The following CUX2 variants were observed in gnomAD, a reference collection of about 807,000 sequenced individuals.
CUX2 encodes the protein cut like homeobox 2.
A neutral mutation model predicts 144.8 loss-of-function variants in CUX2; 40 were observed. That is an observed-to-expected ratio of 0.28 (90% confidence interval 0.21 to 0.36). CUX2 has a LOEUF of 0.36. CUX2 is among the 10% of genes least tolerant of loss of function. The pLI, the probability that CUX2 is intolerant of heterozygous loss-of-function variation, is 1.00. For synonymous variants in CUX2, 827 were observed against 875.6 expected, an observed-to-expected ratio of 0.94 and a Z score of 0.98; for missense variants, 1,615 against 1,994.0, an observed-to-expected ratio of 0.81 and a Z score of 3.62.
intron 1 of CUX2, among the ~76,000 whole-genome samples, chr12:111,148,152 A>T (rs1242277600): frequency 1.3e-5 from 2 of 152,212 alleles, no homozygotes; most frequent in Non-Finnish European, 2.9e-5. Context: ...GGGTAAACAG[A>T]TAAATAAAAT....
chr12:111,329,429 G>A (rs980177464), intron 18 of CUX2, among the ~76,000 whole-genome samples: 6 of 151,976 alleles, frequency 3.9e-5, no homozygotes, highest in South Asian at 2.1e-4. Context: ...CCATCACTTC[G>A]TCAGAAGCGA....
In CUX2 at chr12:111,167,256, T is replaced by C. The variant is rs146317336; in HGVS notation, c.64-46944T>C. 1.5e-3 allele frequency among the ~76,000 whole-genome samples: 226 copies of C among 152,230 alleles called. 1 individual carries two copies. The highest frequency in any genetic ancestry group is 0.014 in the Middle Eastern group (4 of 294). On this transcript the variant is annotated intron_variant, in intron 1 of 21. Coordinates refer to ENST00000261726, the MANE Select transcript of CUX2 (RefSeq NM_015267.4). ...TCTTTCCTTCACCTGCACTGAAGCT[T>C]AGGGGCTTTTGCTTCTTCCACTGTT... is the stretch of plus-strand genomic sequence containing the variant.
At chr12:111,202,253 C>CA (rs1307822377) in intron 1 of CUX2, among the ~76,000 whole-genome samples, 1 of 152,218 alleles carries the variant, frequency 6.6e-6, no homozygotes, top group Non-Finnish European at 1.5e-5. Context: ...AAGGGGTCCC[C>CA]AGCCCCTCAC....
At chr12:111,091,732 C>T (rs1371541005) in intron 1 of CUX2, among the ~76,000 whole-genome samples, 2 of 152,216 alleles carry the variant, frequency 1.3e-5, no homozygotes, top group Non-Finnish European at 2.9e-5. Context: ...CAGGGCTGTG[C>T]TCCCTCTCCA....
At chr12:111,314,300 C>G (rs1483543220) in intron 16 of CUX2, among the ~76,000 whole-genome samples, 1 of 148,492 alleles carries the variant, frequency 6.7e-6, no homozygotes, top group South Asian at 2.2e-4. Flanking sequence ...GCAGCTAACT[C>G]CTGACCTCGT....
chr12:111,198,604 A>G (rs1880383729), intron 1 of CUX2, among the ~76,000 whole-genome samples: 1 of 152,224 alleles, frequency 6.6e-6, no homozygotes, highest in Admixed American at 6.5e-5. Flanking sequence ...GGAGGCTGAT[A>G]TTAAATATGC....
At chr12:111,157,447 G>C (rs150809454) in intron 1 of CUX2, among the ~76,000 whole-genome samples, 9 of 152,038 alleles carry the variant, frequency 5.9e-5, no homozygotes, top group Non-Finnish European at 1.3e-4. Context: ...GGAAGTGCTA[G>C]GATCTGGTTT....
intron 5 of CUX2, among the ~76,000 whole-genome samples, chr12:111,292,405 T>C (rs184099148): frequency 0.022 from 3,348 of 151,694 alleles, 64 homozygotes; most frequent in Non-Finnish European, 0.037. Flanking sequence ...GCCTGACCAA[T>C]ATGGTGAAAC....
intron 1 of CUX2, among the ~76,000 whole-genome samples, chr12:111,122,064 G>A (rs1055183700): frequency 2.0e-5 from 3 of 152,158 alleles, no homozygotes; most frequent in Non-Finnish European, 2.9e-5. Context: ...ACTGCTCTGT[G>A]GTCTAAATAT....
chr12:111,172,004 C>T (rs543395292), intron 1 of CUX2, among the ~76,000 whole-genome samples: 11 of 149,920 alleles, frequency 7.3e-5, no homozygotes, highest in South Asian at 2.1e-4. Flanking sequence ...CCTGTGTGTG[C>T]GCATGTGTGT....
chr12:111,311,603 A>ATTAT (rs1555214917), intron 15 of CUX2, among the ~76,000 whole-genome samples: 8 of 131,024 alleles, frequency 6.1e-5, no homozygotes, highest in Non-Finnish European at 1.3e-4. Context: ...TATTATTATT[A>ATTAT]TTTTTTTTTT....
intron 1 of CUX2, among the ~76,000 whole-genome samples, chr12:111,041,567 T>C (rs570683851): frequency 2.6e-5 from 4 of 152,242 alleles, no homozygotes; most frequent in South Asian, 2.1e-4. Context: ...AAAAACACTT[T>C]TGTGTAAGTT....
intron 1 of CUX2, among the ~76,000 whole-genome samples, chr12:111,090,074 C>T (rs1256861054): frequency 6.6e-6 from 1 of 152,108 alleles, no homozygotes; most frequent in African/African-American, 2.4e-5. Flanking sequence ...AGGGAGGAGG[C>T]AGCTGCAGCA....
chr12:111,257,689 C>T (rs893324553), intron 3 of CUX2, among the ~76,000 whole-genome samples: 1 of 139,858 alleles, frequency 7.2e-6, no homozygotes, highest in South Asian at 2.5e-4. Flanking sequence ...CCTCCCTCCT[C>T]CTTCCCCTTC....
At chr12:111,216,059 C>T (rs1246946514) in intron 2 of CUX2, among the ~76,000 whole-genome samples, 1 of 152,238 alleles carries the variant, frequency 6.6e-6, no homozygotes, top group Non-Finnish European at 1.5e-5. Context: ...TGGTGCCCAG[C>T]TCACCTCCTG....
chr12:111,210,491 C>T (rs1005210096), intron 1 of CUX2, among the ~76,000 whole-genome samples: 1 of 152,064 alleles, frequency 6.6e-6, no homozygotes, highest in Non-Finnish European at 1.5e-5. Context: ...TTTATCTAAA[C>T]ATAAGATTAA....
chr12:111,036,305 G>C (rs756874624), intron 1 of CUX2, among the ~76,000 whole-genome samples: 4 of 152,188 alleles, frequency 2.6e-5, no homozygotes, highest in Non-Finnish European at 5.9e-5. Flanking sequence ...CGGGGAGCTC[G>C]GGCTGCAGCC....
At chr12:111,229,267 CT>C (rs2136242572) in intron 3 of CUX2, among the ~76,000 whole-genome samples, 1 of 152,166 alleles carries the variant, frequency 6.6e-6, no homozygotes, top group East Asian at 1.9e-4. Flanking sequence ...GCGTGACCCC[CT>C]AGGGTCATTG....
At chr12:111,042,363 C>T (rs1869789918) in intron 1 of CUX2, among the ~76,000 whole-genome samples, 1 of 152,168 alleles carries the variant, frequency 6.6e-6, no homozygotes, top group South Asian at 2.1e-4. Context: ...GCTACAGATG[C>T]CTGTGAGTGT....
Sources: gnomAD v4.1 joint callset for allele counts (sites outside exome capture counted in the v4.1 genomes callset) on GRCh38, gnomAD v4.1.1 for gene constraint, MANE v1.5 for transcripts, NCBI Gene and HGNC (gene_info 2026-07-23, HGNC 2026-07-21) for gene names.